COL5A3: variants seen among roughly 807,000 people sequenced by gnomAD.
COL5A3 encodes the protein collagen type V alpha 3 chain.
A neutral mutation model predicts 250.0 loss-of-function variants in COL5A3; 172 were observed. That is an observed-to-expected ratio of 0.69 (90% CI 0.61 to 0.78). The LOEUF (loss-of-function observed/expected upper bound fraction) is 0.78, where lower values mean the gene tolerates loss of function less well. Among genes scored for constraint, COL5A3 ranks in the 30% least tolerant of loss-of-function variants. The pLI is 0.00. For synonymous variants in COL5A3, 937 were observed against 900.4 expected (o/e 1.04, Z -0.73); for missense variants, 2,340 against 2,334.4 (o/e 1.00, Z -0.05).
intron 15 of COL5A3, 129 bp downstream of exon 15, chr19:9,995,937 C>T: frequency 1.0e-6 from 1 of 962,850 alleles, no homozygotes; most frequent in Non-Finnish European, 1.5e-6. Context: ...AGCCACCATT[C>T]TCTAGGAAAG....
chr19:9,962,006 T>C (rs1006678902), intron 65 of COL5A3, among the ~76,000 whole-genome samples: 3 of 152,208 alleles, frequency 2.0e-5, no homozygotes, highest in Admixed American at 1.3e-4. Flanking sequence ...AGAGCAAATA[T>C]TCCCAATAAA....
Position 10,005,561 on chromosome 19 carries a change from G to T in COL5A3, c.591C>A (p.Phe197Leu), listed in dbSNP as rs930188997. The T allele has an allele frequency of 3.1e-6, 5 of 1,614,040 alleles. No homozygotes were observed. In the East Asian group the frequency reaches 1.1e-4, roughly 36 times the overall value. The part of the protein sequence containing the change: ...LGTQDLGEKT[F>L]EGDIQELLIS... ...TCCCCCATCACTGAACTCCTACCTC[G>T]AAAGTCTTTTCCCCAAGGTCCTGGG... Residue 197 changes from phenylalanine (F) to leucine (L), a missense_variant, in exon 4 of 67, where the codon TTC becomes TTA. This residue lies in a region of COL5A3 where 1,152 missense variants were observed against 1,146.3 expected (regional missense o/e 1.00). Transcript: ENST00000264828.
rs780776559 is a variant in COL5A3, at chr19:9,993,413, C to A, written c.1716G>T (p.Gly572=). Residue 572 remains glycine (G), a synonymous_variant, in exon 19 of 67, where the codon GGG becomes GGT. Coordinates refer to ENST00000264828, the MANE Select transcript of COL5A3 (RefSeq NM_015719.4). Reference sequence around the variant, plus strand: ...CATCCTCTCCTGGGGGACCGGGTTGCCCCACATGGCCAAAGTCACCCTGGA... The same window carrying A: ...CATCCTCTCCTGGGGGACCGGGTTGACCCACATGGCCAAAGTCACCCTGGA... ...KGQRGDFGHV[G]QPGPPGEDGE... is the part of the protein sequence containing the mutation. The A allele has an allele frequency of 6.2e-7, 1 of 1,614,140 alleles. No homozygotes were observed. Among genetic ancestry groups the A allele is most frequent in the Admixed American group, 1.7e-5 (1 of 60,010 alleles).
chr19:10,004,867 G>A (rs2087418829), intron 4 of COL5A3, among the ~76,000 whole-genome samples: 1 of 151,984 alleles, frequency 6.6e-6, no homozygotes, highest in Non-Finnish European at 1.5e-5. Context: ...CACTATCACA[G>A]CAACCAGCAC....
chr19:10,010,154 A>G, intron 1 of COL5A3, 144 bp downstream of exon 1: 1 of 493,186 alleles, frequency 2.0e-6, no homozygotes, highest in Non-Finnish European at 3.3e-6. Context: ...AGAGTCAGAT[A>G]CTCATGCGCC....
intron 16 of COL5A3, among the ~76,000 whole-genome samples, chr19:9,994,559 C>CATATATATATATATATAT (rs57642882): frequency 2.8e-5 from 2 of 70,700 alleles, no homozygotes; most frequent in East Asian, 4.2e-4. Flanking sequence ...ATATGTTTTA[C>CATATATATATATATATAT]ATATATATAT....
chr19:10,008,753 G>A (rs553548409), intron 1 of COL5A3, among the ~76,000 whole-genome samples: 3 of 152,314 alleles, frequency 2.0e-5, no homozygotes, highest in South Asian at 2.1e-4. Flanking sequence ...CTTGCTTGAC[G>A]TGTGGCCATG....
At position 9,966,634 on chromosome 19, in the gene COL5A3, C is replaced by T; in HGVS notation, c.4571G>A (p.Ser1524Asn). 1.9e-6 allele frequency: 3 copies of T among 1,538,662 alleles called. No homozygotes were observed. The highest frequency in any genetic ancestry group is 2.6e-6 in the Non-Finnish European group (3 of 1,147,076). Reference protein sequence around the residue: ...EEVLASLTSLSLELEQLRRPP... With the variant: ...EEVLASLTSLNLELEQLRRPP... ...ACGCCGCAGCTGCTCCAGCTCCAAG[C>T]TCAGCGATGTGAGCGAGGCCAGCAC... is the stretch of plus-strand genomic sequence containing the variant. Residue 1524 changes from serine (S) to asparagine (N), a missense_variant, in exon 63 of 67, where the codon AGC (serine) becomes AAC (asparagine). Physicochemically the swap from Ser to Asn is conservative, Grantham distance 46. Transcript: ENST00000264828.
At chr19:9,980,520 C>A (rs1398351979) in intron 35 of COL5A3, 128 bp downstream of exon 35, 7 of 1,354,624 alleles carry the variant, frequency 5.2e-6, no homozygotes, top group Non-Finnish European at 7.0e-6. Flanking sequence ...CACCACCACA[C>A]CCAATTAAGC....
At chr19:9,975,146 C>T (rs1405139854) in intron 45 of COL5A3, among the ~76,000 whole-genome samples, 1 of 151,328 alleles carries the variant, frequency 6.6e-6, no homozygotes, top group African/African-American at 2.4e-5. Flanking sequence ...GCTATCTTGG[C>T]TCACTGCAAC....
chr19:9,966,332 G>A lies in COL5A3; in HGVS notation c.4764C>T (p.Pro1588=). 6.2e-7 allele frequency: 1 copy of A among 1,606,836 alleles called. No homozygotes were observed. The highest frequency in any genetic ancestry group is 8.5e-7 in the Non-Finnish European group (1 of 1,176,202). The part of the protein sequence containing the change: ...FTAGGETCLY[P]DKKFEIVKLA... ...TACTCACGATCTCAAACTTCTTGTCGGGATAGAGGCAGGTCTCTCCTCCCG... is the reference window on the plus strand; with the variant it reads ...TACTCACGATCTCAAACTTCTTGTCAGGATAGAGGCAGGTCTCTCCTCCCG... The change falls in exon 64 of 67, where the codon CCC becomes CCT. Residue 1588 remains proline (P), a synonymous_variant. Transcript: ENST00000264828.
rs1017920226 is a variant in COL5A3 at position 9,968,588 on chromosome 19, G to A, written c.4206+87C>T. The A allele has an allele frequency of 9.5e-6, 15 of 1,574,902 alleles. No homozygotes were observed. The African/African-American group carries it at 1.5e-4, about 16-fold the overall frequency. On this transcript the variant is annotated intron_variant, in intron 58 of 66. Transcript: ENST00000264828. The surrounding 1 kb of genome is among the most constrained non-coding windows in gnomAD (Gnocchi z 4.1). ...TAGGGTGATGAGTTTGGGAGCAGAG[G>A]ATGCACCAATCTCCCAGCCCCCCAG...
chr19:9,967,494 C>G, intron 61 of COL5A3, 94 bp from the exon 62 acceptor site: 1 of 825,330 alleles, frequency 1.2e-6, no homozygotes. Context: ...CACACACACA[C>G]TCACACACAC....
Position 10,005,829 on chromosome 19 carries a change from G to T in COL5A3, c.404C>A (p.Pro135His). The T allele has an allele frequency of 6.2e-7, 1 of 1,613,072 alleles. No homozygotes were observed. Among genetic ancestry groups the T allele is most frequent in the Non-Finnish European group, 8.5e-7 (1 of 1,179,648 alleles). ...ALGLLGDPFRPLPQQVNLTDG... is the reference protein window; with the variant it reads ...ALGLLGDPFRHLPQQVNLTDG... Reference sequence around the variant, plus strand: ...TGTGAGGTTGACCTGCTGGGGGAGGGGGCGGAAGGGGTCACCTAGGAGACC... The same window carrying T: ...TGTGAGGTTGACCTGCTGGGGGAGGTGGCGGAAGGGGTCACCTAGGAGACC... The change falls in exon 3 of 67, where the codon CCC (proline) becomes CAC (histidine). Residue 135 changes from proline (P) to histidine (H), a missense_variant. Coordinates refer to ENST00000264828, the MANE Select transcript of COL5A3 (RefSeq NM_015719.4).
Position 10,005,726 on chromosome 19 carries a change from C to T in COL5A3, c.438-12G>A, listed in dbSNP as rs200679592. 2.4e-5 allele frequency: 39 copies of T among 1,602,448 alleles called. No individual in the cohort carries two copies. The highest frequency in any genetic ancestry group is 5.4e-5 in the African/African-American group (4 of 74,752). On this transcript the variant is annotated splice_polypyrimidine_tract_variant and intron_variant, in intron 3 of 66. Coordinates refer to ENST00000264828, the MANE Select transcript of COL5A3 (RefSeq NM_015719.4). Reference sequence around the variant, plus strand: ...CCACACGGTGCCACCTGCAAGGGGACGGCCTCAGTGCGGGTGCTTCTCACC... The same window carrying T: ...CCACACGGTGCCACCTGCAAGGGGATGGCCTCAGTGCGGGTGCTTCTCACC...
Position 9,966,314 on chromosome 19 carries a change from G to C in COL5A3, c.4782C>G (p.Ile1594Met), listed in dbSNP as rs3745581. 0.018 allele frequency: 28,300 copies of C among 1,604,380 alleles called. 497 individuals carry two copies. Among genetic ancestry groups the C allele is most frequent in the East Asian group, 0.074 (3,325 of 44,786 alleles). Residue 1594 changes from isoleucine to methionine, a missense_variant and splice_region_variant, in exon 64 of 67, where the codon ATC (isoleucine) becomes ATG (methionine). Around this residue, in one of 3 missense-constraint regions of COL5A3, gnomAD observed 1,179 missense variants for 1,162.6 expected, o/e 1.01. Transcript: ENST00000264828. Reference protein sequence around the residue: ...TCLYPDKKFEIVKLASWSKEK... With the variant: ...TCLYPDKKFEMVKLASWSKEK... ...GCGATGAGAGGTTTGGGTTACTCAC[G>C]ATCTCAAACTTCTTGTCGGGATAGA...
intron 27 of COL5A3, among the ~76,000 whole-genome samples, chr19:9,988,035 G>T (rs935799231): frequency 6.6e-6 from 1 of 152,068 alleles, no homozygotes; most frequent in South Asian, 2.1e-4. Flanking sequence ...AGGCGTTCAA[G>T]ACCAGCCTGA....
intron 31 of COL5A3, 112 bp downstream of exon 31, chr19:9,985,728 TCA>T: frequency 1.1e-6 from 1 of 930,508 alleles, no homozygotes; most frequent in Non-Finnish European, 1.7e-6. Context: ...TTACATTCTC[TCA>T]GTGACCCTTG....
intron 55 of COL5A3, 31 bp from the exon 56 acceptor site, chr19:9,969,713 G>C: frequency 6.3e-7 from 1 of 1,585,288 alleles, no homozygotes; most frequent in Non-Finnish European, 8.6e-7. Flanking sequence ...GGAGGGGCCA[G>C]AGTCAGAGGG....
Sources: allele counts gnomAD v4.1 joint callset (sites outside exome capture counted in the v4.1 genomes callset), GRCh38; gene constraint gnomAD v4.1.1; regional missense constraint gnomAD v4.1.1; non-coding constraint Gnocchi (gnomAD v3.1); transcripts MANE v1.5; gene names NCBI Gene and HGNC (gene_info 2026-07-23, HGNC 2026-07-21).